Variants in TBCD observed in about 807,000 individuals in gnomAD.
The protein encoded by TBCD is tubulin folding cofactor D.
TBCD carries 105 observed loss-of-function variants against 169.3 expected under a neutral mutation model. The ratio of observed to expected loss-of-function variants is 0.62; its 90% CI spans 0.53 to 0.73. TBCD has a LOEUF of 0.73. Ranked by LOEUF, TBCD falls within the 30% of genes least tolerant of loss-of-function variation. TBCD has a pLI of 0.00. For synonymous variants in TBCD, 700 were observed against 643.9 expected, an observed-to-expected ratio of 1.09 and a Z score of -1.32; for missense variants, 1,444 against 1,600.1, an observed-to-expected ratio of 0.90 and a Z score of 1.66.
rs571261919 is a variant in TBCD, at chr17:82,848,559, C to T, written c.1319-21665C>T. Among the ~76,000 whole-genome samples the T allele has an allele frequency of 1.1e-3, 164 of 152,234 alleles. 1 individual carries two copies. Among genetic ancestry groups the T allele is most frequent in the African/African-American group, 3.6e-3 (149 of 41,530 alleles). ...TTTCCAGAGCAACTCATGTGGCCGC[C>T]GTCTAGGGAGTTTATTCAGAGGGTG... On this transcript the variant is annotated intron_variant, in intron 13 of 38. Coordinates refer to ENST00000355528, the MANE Select transcript of TBCD (RefSeq NM_005993.5).
intron 8 of TBCD, 23 bp downstream of exon 8, chr17:82,797,825 G>T: frequency 6.4e-7 from 1 of 1,554,750 alleles, no homozygotes. Flanking sequence ...TTTAAGAGAC[G>T]ATATCTTTGT....
intron 17 of TBCD, among the ~76,000 whole-genome samples, chr17:82,899,210 CGTCCTCAGCATGTGTCCTCAGCGCAT>C (rs1270732196): frequency 7.0e-6 from 1 of 142,838 alleles, no homozygotes; most frequent in Non-Finnish European, 1.6e-5. Context: ...GTCCGCAGTG[CGTCCTCAGCATGTGTCCTCAGCGCAT>C]GTCCTCAGCG....
At chr17:82,752,577 G>A (rs2047160457) in intron 1 of TBCD, among the ~76,000 whole-genome samples, 200 bp downstream of exon 1, 1 of 152,090 alleles carries the variant, frequency 6.6e-6, no homozygotes, top group Admixed American at 6.5e-5. Context: ...AGGTGCACGG[G>A]GCAGACGCGC....
intron 13 of TBCD, among the ~76,000 whole-genome samples, chr17:82,817,823 T>A (rs533387471): frequency 1.3e-5 from 2 of 152,368 alleles, no homozygotes; most frequent in East Asian, 3.9e-4. Flanking sequence ...CTTTCTTGTG[T>A]TTCTGGTGTC....
rs756019674 is a variant in TBCD, at chr17:82,924,946, G to A, written c.2268G>A (p.Leu756=). The change falls in exon 27 of 39, where the codon CTG becomes CTA. Residue 756 remains leucine, a synonymous_variant. Transcript: ENST00000355528. ...GEADPAIQEE[L]ITQYLAELRN... is the part of the protein sequence containing the mutation. ...CTCGTTGCTTCCTTTCAGAGGAGCT[G>A]ATCACGCAGTACCTGGCTGAGCTTC... 6 of 1,562,258 alleles carry A rather than the reference G, an allele frequency of 3.8e-6. No homozygotes were observed. The highest frequency in any genetic ancestry group is 2.6e-6 in the Non-Finnish European group (3 of 1,152,256).
In TBCD at chr17:82,861,348, ACGTCAGCCG is replaced by A. The variant is rs1567908443; in HGVS notation, c.1319-8874_1319-8866del. Among the ~76,000 whole-genome samples the A allele has an allele frequency of 6.4e-3, 543 of 84,862 alleles. 4 individuals carry two copies. Among genetic ancestry groups the A allele is most frequent in the Non-Finnish European group, 0.013 (470 of 37,516 alleles). 55.7% of individuals were successfully genotyped at this position (84,862 alleles called of 152,430 possible). A position where few individuals can be genotyped will look rare whatever the true frequency, so the allele number is the denominator to read the frequency against. On this transcript the variant is annotated intron_variant, in intron 13 of 38. Transcript: ENST00000355528. ...TCCACCTCACGTCAGCCGCTGGTTC[ACGTCAGCCG>A]CTGGTTCACGTCAGCTGCTGGTTCA...
intron 14 of TBCD, among the ~76,000 whole-genome samples, chr17:82,875,627 C>T (rs146643843): frequency 6.6e-6 from 1 of 152,306 alleles, no homozygotes; most frequent in East Asian, 1.9e-4. Context: ...CCGCCGAGGC[C>T]TGCAGATCCG....
Position 82,781,651 on chromosome 17 carries a change from G to T in TBCD, c.701G>T (p.Cys234Phe). 6.2e-7 allele frequency: 1 copy of T among 1,613,886 alleles called. No individual in the cohort carries two copies. The highest frequency in any genetic ancestry group is 1.1e-5 in the South Asian group (1 of 91,084). The change falls in exon 7 of 39, where the codon TGC (cysteine) becomes TTC (phenylalanine). Residue 234 changes from cysteine (C) to phenylalanine (F), a missense_variant. Transcript: ENST00000355528. The part of the protein sequence containing the change: ...KMAEFLDWSL[C>F]NLARSSFQTM... The stretch of plus-strand genomic sequence containing the variant: ...GCTGAGTTCCTGGACTGGAGCCTGT[G>T]CAATCTGGCCCGTTCCTCCTTCCAG...
At chr17:82,757,931 C>T (rs945001713) in intron 2 of TBCD, among the ~76,000 whole-genome samples, 15 of 152,200 alleles carry the variant, frequency 9.9e-5, no homozygotes, top group Middle Eastern at 3.4e-3. Flanking sequence ...CACAAGGTAG[C>T]GGGTGGTGTT....
intron 13 of TBCD, among the ~76,000 whole-genome samples, chr17:82,851,417 T>C (rs1414452735): frequency 6.6e-6 from 1 of 152,246 alleles, no homozygotes; most frequent in Non-Finnish European, 1.5e-5. Flanking sequence ...CCTGTTTCTG[T>C]ACAGCTTTGG....
rs7222931 is a variant in TBCD at position 82,870,079 on chromosome 17, A to G, written c.1319-145A>G. On this transcript the variant is annotated intron_variant, in intron 13 of 38. Transcript: ENST00000355528. Reference sequence around the variant, plus strand: ...GCCGTGGGTCTAACAGGAGCCCCGAACCTCTGGGTGGGCTCCGTGTCGCTT... The same window carrying G: ...GCCGTGGGTCTAACAGGAGCCCCGAGCCTCTGGGTGGGCTCCGTGTCGCTT... 1 allele frequency: 1,050,851 copies of G among 1,052,384 alleles called. 524,679 individuals are homozygous for G. Among genetic ancestry groups the G allele is most frequent in the East Asian group, 1 (39,936 of 39,936 alleles). 65.2% of individuals were successfully genotyped at this position (1,052,384 alleles called of 1,614,324 possible).
At chr17:82,940,740 G>A (rs991695306) in intron 37 of TBCD, among the ~76,000 whole-genome samples, 4 of 150,974 alleles carry the variant, frequency 2.6e-5, no homozygotes, top group South Asian at 2.2e-4. Context: ...CTGGAGACCC[G>A]TTTTTACAAT....
chr17:82,836,694 A>C (rs111635743), intron 13 of TBCD, among the ~76,000 whole-genome samples: 4,362 of 151,424 alleles, frequency 0.029, 64 homozygotes, highest in African/African-American at 0.049. Context: ...AGGCAAAAAA[A>C]AAAACAAAAC....
chr17:82,844,739 A>G (rs2054855482), intron 13 of TBCD, among the ~76,000 whole-genome samples: 1 of 143,354 alleles, frequency 7.0e-6, no homozygotes, highest in Non-Finnish European at 1.6e-5. Flanking sequence ...TATTTTTTAC[A>G]TGTTCAACCC....
At chr17:82,755,294 A>G (rs1279094043) in intron 1 of TBCD, among the ~76,000 whole-genome samples, 1 of 152,216 alleles carries the variant, frequency 6.6e-6, no homozygotes, top group Non-Finnish European at 1.5e-5. Context: ...TAGATTGTAA[A>G]TGCTTTTCAT....
At chr17:82,818,796 G>A (rs1358245858) in intron 13 of TBCD, among the ~76,000 whole-genome samples, 1 of 152,260 alleles carries the variant, frequency 6.6e-6, no homozygotes, top group African/African-American at 2.4e-5. Flanking sequence ...GCTGGGCACG[G>A]CGGCTCATGC....
At chr17:82,941,358 G>A in intron 37 of TBCD, 41 bp from the exon 38 acceptor site, 3 of 1,532,244 alleles carry the variant, frequency 2.0e-6, no homozygotes, top group Non-Finnish European at 1.8e-6. Context: ...AGGTTCTCCG[G>A]TGGGCACTCG....
intron 18 of TBCD, among the ~76,000 whole-genome samples, chr17:82,901,285 G>C (rs114215740): frequency 0.022 from 3,373 of 152,340 alleles, 148 homozygotes; most frequent in African/African-American, 0.077. Context: ...GAGGTCAGAG[G>C]GTCCCCTCCT....
intron 12 of TBCD, among the ~76,000 whole-genome samples, chr17:82,811,020 T>C (rs1257461497): frequency 6.6e-6 from 1 of 152,192 alleles, no homozygotes; most frequent in Non-Finnish European, 1.5e-5. Context: ...AGTGGAAACA[T>C]TGCTAGCAGA....
Sources: allele counts gnomAD v4.1 joint callset (sites outside exome capture counted in the v4.1 genomes callset), GRCh38; gene constraint gnomAD v4.1.1; transcripts MANE v1.5; gene names NCBI Gene and HGNC (gene_info 2026-07-23, HGNC 2026-07-21).